The following CNOT7 variants were observed in gnomAD, a reference collection of about 807,000 sequenced individuals.
CNOT7 encodes the protein BTG1-binding factor 1.
CNOT7 carries 4 observed loss-of-function variants against 37.1 expected under a neutral mutation model. The observed-to-expected ratio is 0.11, with a 90% CI of 0.05 to 0.25. CNOT7 has a LOEUF of 0.25. CNOT7 is among the 10% of genes least tolerant of loss of function. The probability of loss-of-function intolerance (pLI) is 1.00; values close to 1 mark genes in which losing one functional copy is unlikely to be tolerated. For missense variants in CNOT7, 170 were observed against 336.2 expected (o/e 0.51, Z 3.87); for synonymous variants, 128 against 115.6 (o/e 1.11, Z -0.69).
At position 17,225,423 on chromosome 8, in the gene CNOT7, G is replaced by A. The variant is rs1324210503; in HGVS notation, c.*5297C>T. ...CAGTTTATCTTTAAAAAGAAAATGA[G>A]TAATTCTGGAGAAATGTAGCTTGTT... is the stretch of plus-strand genomic sequence containing the variant. On this transcript the variant is annotated 3_prime_UTR_variant, in exon 7 of 7. Transcript: ENST00000361272. The A allele has an allele frequency of 6.6e-6, 1 of 151,724 alleles. No individual in the cohort carries two copies. The highest frequency in any genetic ancestry group is 1.9e-4 in the East Asian group (1 of 5,186). The allele number at this position is 151,724 out of a possible 1,614,324, so 9.4% of individuals were successfully genotyped here.
Position 17,230,748 on chromosome 8 carries a change from T to A in CNOT7, c.830A>T (p.Tyr277Phe). 6.2e-7 allele frequency: 1 copy of A among 1,605,954 alleles called. No individual in the cohort carries two copies. The highest frequency in any genetic ancestry group is 8.5e-7 in the Non-Finnish European group (1 of 1,176,306). The change falls in exon 7 of 7, where the codon TAT becomes TTT. Residue 277 changes from tyrosine to phenylalanine, a missense_variant. This residue lies in a region of CNOT7 where 25 missense variants were observed against 43.3 expected (regional missense o/e 0.58). Coordinates refer to ENST00000361272, the MANE Select transcript of CNOT7 (RefSeq NM_013354.7). ...TGACTGCTTGTTGGCTTCCTCTTCA[T>A]ATGCATTCCCTGTGCCATTCTGTAC... The part of the protein sequence containing the change: ...SYVQNGTGNA[Y>F]EEEANKQS
chr8:17,227,129 T>G lies in CNOT7; in HGVS notation c.*3591A>C, dbSNP rs1013836189. The G allele has an allele frequency of 1.3e-5, 2 of 151,814 alleles. No individual in the cohort carries two copies. Among genetic ancestry groups the G allele is most frequent in the Non-Finnish European group, 3.0e-5 (2 of 67,776 alleles). The allele number at this position is 151,814 out of a possible 1,614,324, so 9.4% of individuals were successfully genotyped here. A position where few individuals can be genotyped will look rare whatever the true frequency, so the allele number is the denominator to read the frequency against. ...CTGTGAAGTACCTGCTGATGAATAA[T>G]CAAGTGAGTAACTACAGGCTTTAAA... is the stretch of plus-strand genomic sequence containing the variant. On this transcript the variant is annotated 3_prime_UTR_variant, in exon 7 of 7. Coordinates refer to ENST00000361272, the MANE Select transcript of CNOT7 (RefSeq NM_013354.7).
rs1185740005 is a variant in CNOT7 at position 17,226,805 on chromosome 8, A to T, written c.*3915T>A. 1 of 151,806 alleles carries T rather than the reference A, an allele frequency of 6.6e-6. No homozygotes were observed. Among genetic ancestry groups the T allele is most frequent in the Non-Finnish European group, 1.5e-5 (1 of 67,754 alleles). The allele number at this position is 151,806 out of a possible 1,614,324, so 9.4% of individuals were successfully genotyped here. On this transcript the variant is annotated 3_prime_UTR_variant, in exon 7 of 7. Coordinates refer to ENST00000361272, the MANE Select transcript of CNOT7 (RefSeq NM_013354.7). ...TACCTTGTAATTTCAGGTCAAATTC[A>T]TTAAGAAACATTTTCAAGTCTGTGG...
At chr8:17,245,275 A>C in intron 1 of CNOT7, 28 bp from the exon 2 acceptor site, 3 of 977,454 alleles carry the variant, frequency 3.1e-6, no homozygotes, top group Non-Finnish European at 4.3e-6. Context: ...CAATATGAAG[A>C]CCAGATATAT....
chr8:17,236,368 T>G (rs1172271907), intron 4 of CNOT7, among the ~76,000 whole-genome samples: 1 of 152,230 alleles, frequency 6.6e-6, no homozygotes, highest in Non-Finnish European at 1.5e-5. Context: ...AAGGTTACTT[T>G]TAGTCCCTGG....
chr8:17,245,718 A>G (rs1322299158), intron 1 of CNOT7: 2 of 152,244 alleles, frequency 1.3e-5, no homozygotes, highest in Non-Finnish European at 2.9e-5. Flanking sequence ...TATTCTAACT[A>G]GACTAGAGGG....
chr8:17,232,114 T>G, intron 6 of CNOT7: 1 of 1,022,144 alleles, frequency 9.8e-7, no homozygotes, highest in Non-Finnish European at 1.2e-6. Context: ...ACTAGTAATG[T>G]GTTTAATCAT....
At chr8:17,233,117 A>G (rs1808846690) in intron 5 of CNOT7, among the ~76,000 whole-genome samples, 1 of 152,224 alleles carries the variant, frequency 6.6e-6, no homozygotes, top group African/African-American at 2.4e-5. Flanking sequence ...TTAAAAAAGA[A>G]AGATGAGAGT....
chr8:17,234,922 A>G (rs777799846), intron 4 of CNOT7, 62 bp from the exon 5 acceptor site: 11 of 1,489,290 alleles, frequency 7.4e-6, no homozygotes, highest in Non-Finnish European at 9.9e-6. Context: ...ATTAAAAAAA[A>G]AAGTTTTTCT....
At chr8:17,235,957 A>T (rs1239900741) in intron 4 of CNOT7, among the ~76,000 whole-genome samples, 1 of 152,198 alleles carries the variant, frequency 6.6e-6, no homozygotes, top group East Asian at 1.9e-4. Flanking sequence ...TTTTAAATGA[A>T]AGGGTATGTC....
chr8:17,245,245 T>A lies in CNOT7; in HGVS notation c.-93A>T. 7.6e-7 allele frequency: 1 copy of A among 1,309,532 alleles called. No homozygotes were observed. The highest frequency in any genetic ancestry group is 1.0e-6 in the Non-Finnish European group (1 of 989,376). 81.1% of individuals were successfully genotyped at this position (1,309,532 alleles called of 1,614,324 possible). On this transcript the variant is annotated splice_region_variant and 5_prime_UTR_variant, in exon 2 of 7. Transcript: ENST00000361272. Reference sequence around the variant, plus strand: ...TAAAATATTTTATCCTTTATTTATGTACCTGTCAAAATAAAAAAACAATAT... The same window carrying A: ...TAAAATATTTTATCCTTTATTTATGAACCTGTCAAAATAAAAAAACAATAT...
chr8:17,241,447 C>G (rs1012761757), intron 3 of CNOT7: 1 of 152,144 alleles, frequency 6.6e-6, no homozygotes, highest in African/African-American at 2.4e-5. Context: ...AGCCACACTA[C>G]TATACCACAG....
chr8:17,240,588 A>G (rs1362651106), intron 3 of CNOT7, among the ~76,000 whole-genome samples: 1 of 152,210 alleles, frequency 6.6e-6, no homozygotes, highest in African/African-American at 2.4e-5. Context: ...GTGTTTCTAG[A>G]AAAGGAAACT....
At chr8:17,231,720 C>T (rs913977207) in intron 6 of CNOT7, 5 of 985,350 alleles carry the variant, frequency 5.1e-6, no homozygotes, top group East Asian at 1.1e-4. Flanking sequence ...TGTATCTGTG[C>T]ACATCACTTA....
chr8:17,233,778 C>G (rs953117391), intron 5 of CNOT7, among the ~76,000 whole-genome samples: 28 of 152,194 alleles, frequency 1.8e-4, no homozygotes, highest in African/African-American at 6.8e-4. Context: ...TTTCTCTAGT[C>G]ATATGCTGAC....
intron 6 of CNOT7, chr8:17,231,925 G>A (rs1808683816): frequency 3.0e-5 from 30 of 986,980 alleles, no homozygotes; most frequent in Non-Finnish European, 3.5e-5. Context: ...TGCAGTAAAA[G>A]AGCCTGAGTT....
rs1353095343 is a variant in CNOT7, at chr8:17,229,209, A to C, written c.*1511T>G. ...CCCCCAAATAAGTATTTCCAAAAGA[A>C]AATCACCAGTCATCAACATTTATAA... On this transcript the variant is annotated 3_prime_UTR_variant, in exon 7 of 7. Coordinates refer to ENST00000361272, the MANE Select transcript of CNOT7 (RefSeq NM_013354.7). 6.6e-6 allele frequency: 1 copy of C among 152,018 alleles called. No individual in the cohort carries two copies. Among genetic ancestry groups the C allele is most frequent in the Non-Finnish European group, 1.5e-5 (1 of 67,878 alleles). The allele number at this position is 152,018 out of a possible 1,614,324, so 9.4% of individuals were successfully genotyped here. A position where few individuals can be genotyped will look rare whatever the true frequency, so the allele number is the denominator to read the frequency against.
intron 6 of CNOT7, chr8:17,231,621 G>T: frequency 1.0e-6 from 1 of 985,304 alleles, no homozygotes. Context: ...CAAATCCACA[G>T]CGAATTTTTC....
chr8:17,230,875 A>C (rs910911688), intron 6 of CNOT7, 27 bp from the exon 7 acceptor site: 1 of 1,528,528 alleles, frequency 6.5e-7, no homozygotes. Context: ...AAGAAAAAAA[A>C]AAGATAATTT....
Sources: gnomAD v4.1 joint callset for allele counts (sites outside exome capture counted in the v4.1 genomes callset) on GRCh38, gnomAD v4.1.1 for gene constraint, gnomAD v4.1.1 regional missense constraint, MANE v1.5 for transcripts, NCBI Gene and HGNC (gene_info 2026-07-23, HGNC 2026-07-21) for gene names.